Variants in AIDA observed in about 807,000 individuals in gnomAD.
AIDA encodes the protein axin interactor, dorsalization associated.
AIDA carries 18 observed loss-of-function variants against 42.7 expected under a neutral mutation model. That is an observed-to-expected ratio of 0.42 (90% CI 0.29 to 0.63). The LOEUF is 0.63. AIDA is among the 20% of genes least tolerant of loss of function. The pLI, the probability that AIDA is intolerant of heterozygous loss-of-function variation, is 0.19. For synonymous variants in AIDA, 104 were observed against 122.9 expected (o/e 0.85, Z 1.02); for missense variants, 250 against 354.1 (o/e 0.71, Z 2.36).
In AIDA at chr1:222,686,938, C is replaced by T. The variant is rs1432300826; in HGVS notation, c.452G>A (p.Arg151Lys). Reference sequence around the variant, plus strand: ...TAATAAGTGATACCTACCGGGAACTCTAGCAGGAAAAGAATCAGGAGACCC... The same window carrying T: ...TAATAAGTGATACCTACCGGGAACTTTAGCAGGAAAAGAATCAGGAGACCC... ...GAGSPDSFPARVPGTLLPRLP... is the reference protein window; with the variant it reads ...GAGSPDSFPAKVPGTLLPRLP... Residue 151 changes from arginine (R) to lysine (K), a missense_variant, in exon 6 of 10, where the codon AGA (arginine) becomes AAA (lysine). This residue lies in a region of AIDA where 199 missense variants were observed against 232.6 expected (regional missense o/e 0.86). Transcript: ENST00000340020. 1 of 1,613,408 alleles carries T rather than the reference C, an allele frequency of 6.2e-7. No homozygotes were observed. The highest frequency in any genetic ancestry group is 8.5e-7 in the Non-Finnish European group (1 of 1,179,876).
At chr1:222,688,228 C>A (rs1356733339) in intron 4 of AIDA, among the ~76,000 whole-genome samples, 1 of 152,008 alleles carries the variant, frequency 6.6e-6, no homozygotes, top group Non-Finnish European at 1.5e-5. Context: ...AAAAGATGCC[C>A]AGTTAGAGAT....
chr1:222,692,158 A>G (rs1055044076), intron 4 of AIDA, among the ~76,000 whole-genome samples: 1 of 152,186 alleles, frequency 6.6e-6, no homozygotes, highest in Non-Finnish European at 1.5e-5. Flanking sequence ...TTTTCCTTCC[A>G]CTAGTACTAC....
chr1:222,703,032 T>C (rs1655750296), intron 2 of AIDA, 116 bp downstream of exon 2: 3 of 705,152 alleles, frequency 4.3e-6, no homozygotes, highest in Non-Finnish European at 4.6e-6. Flanking sequence ...TTCTTTTTAC[T>C]TAAGTATAAC....
chr1:222,684,620 A>G (rs1171992465), intron 6 of AIDA, among the ~76,000 whole-genome samples: 1 of 152,214 alleles, frequency 6.6e-6, no homozygotes, highest in African/African-American at 2.4e-5. Flanking sequence ...AATATAGCTA[A>G]TTAAACCATA....
chr1:222,678,399 G>C (rs1664592689), intron 6 of AIDA, among the ~76,000 whole-genome samples: 1 of 152,002 alleles, frequency 6.6e-6, no homozygotes, highest in Non-Finnish European at 1.5e-5. Flanking sequence ...TTTTATGATA[G>C]ACTATTTTCT....
chr1:222,674,279 C>T (rs768114863), intron 7 of AIDA, among the ~76,000 whole-genome samples: 2 of 151,718 alleles, frequency 1.3e-5, no homozygotes, highest in Admixed American at 6.6e-5. Flanking sequence ...GGAGATTTCG[C>T]GGTGGGAAGG....
Position 222,676,125 on chromosome 1 carries a change from A to T in AIDA, c.554T>A (p.Ile185Asn). 1.2e-6 allele frequency: 2 copies of T among 1,611,770 alleles called. No individual in the cohort carries two copies. Among genetic ancestry groups the T allele is most frequent in the Non-Finnish European group, 1.7e-6 (2 of 1,179,184 alleles). The change falls in exon 7 of 10, where the codon ATC (isoleucine) becomes AAC (asparagine). Residue 185 changes from isoleucine to asparagine, a missense_variant. Around this residue, in one of 4 missense-constraint regions of AIDA, gnomAD observed 199 missense variants for 232.6 expected, o/e 0.86. Coordinates refer to ENST00000340020, the MANE Select transcript of AIDA (RefSeq NM_022831.4). Reference sequence around the variant, plus strand: ...TACACTAACTGTAATATAGGGATCGATGCACTGCCCAGCATCTTTCAAACC... The same window carrying T: ...TACACTAACTGTAATATAGGGATCGTTGCACTGCCCAGCATCTTTCAAACC... The part of the protein sequence containing the change: ...KIGLKDAGQC[I>N]DPYITVSVKD...
chr1:222,686,792 T>C lies in AIDA; in HGVS notation c.460+138A>G. The C allele has an allele frequency of 5.1e-6, 5 of 987,976 alleles. 1 individual carries two copies. In the South Asian group the frequency reaches 8.8e-5, roughly 17 times the overall value. The allele number at this position is 987,976 out of a possible 1,614,324, so 61.2% of individuals were successfully genotyped here. A position where few individuals can be genotyped will look rare whatever the true frequency, so the allele number is the denominator to read the frequency against. On this transcript the variant is annotated intron_variant, in intron 6 of 9. Transcript: ENST00000340020. Reference sequence around the variant, plus strand: ...CACACCATACTTATGAAATAGCTACTGCCAATAAAATTTGCCTAAGATTGG... The same window carrying C: ...CACACCATACTTATGAAATAGCTACCGCCAATAAAATTTGCCTAAGATTGG...
chr1:222,682,773 T>G (rs776957623), intron 6 of AIDA, among the ~76,000 whole-genome samples: 1 of 152,176 alleles, frequency 6.6e-6, no homozygotes, highest in African/African-American at 2.4e-5. Flanking sequence ...ATGCTTTGCA[T>G]TATTTTGAGA....
Position 222,677,924 on chromosome 1 carries a change from T to A in AIDA, c.461-1706A>T, listed in dbSNP as rs898846264. Among the ~76,000 whole-genome samples, 9 of 151,968 alleles carry A rather than the reference T, an allele frequency of 5.9e-5. No homozygotes were observed. In the South Asian group the frequency reaches 6.2e-4, roughly 10 times the overall value. Reference sequence around the variant, plus strand: ...GTATATGTAAGTATTTAAAAAAAAATTTTTTACACATTATTGGAGGTGTAT... The same window carrying A: ...GTATATGTAAGTATTTAAAAAAAAAATTTTTACACATTATTGGAGGTGTAT... On this transcript the variant is annotated intron_variant, in intron 6 of 9. Coordinates refer to ENST00000340020, the MANE Select transcript of AIDA (RefSeq NM_022831.4).
At chr1:222,711,089 C>CGGGG (rs1656008674) in intron 1 of AIDA, among the ~76,000 whole-genome samples, 1 of 28,154 alleles carries the variant, frequency 3.6e-5, no homozygotes, top group African/African-American at 1.5e-4. Context: ...GTGTCGGGGG[C>CGGGG]GGATGGGGGG....
chr1:222,696,257 T>C (rs994495615), intron 2 of AIDA, among the ~76,000 whole-genome samples: 1 of 152,232 alleles, frequency 6.6e-6, no homozygotes, highest in African/African-American at 2.4e-5. Flanking sequence ...AACCAGCAAA[T>C]AGTCTTTTCT....
At chr1:222,702,647 T>C (rs1293645876) in intron 2 of AIDA, among the ~76,000 whole-genome samples, 1 of 152,264 alleles carries the variant, frequency 6.6e-6, no homozygotes, top group Non-Finnish European at 1.5e-5. Flanking sequence ...ACTAATTGTT[T>C]TCAGTGGAGA....
chr1:222,686,050 C>T (rs1655169755), intron 6 of AIDA, among the ~76,000 whole-genome samples: 1 of 152,182 alleles, frequency 6.6e-6, no homozygotes, highest in Admixed American at 6.5e-5. Flanking sequence ...ATCCCAGCTA[C>T]TTGGGAGGCT....
chr1:222,672,896 T>A (rs538132699), intron 8 of AIDA, among the ~76,000 whole-genome samples: 9 of 152,332 alleles, frequency 5.9e-5, no homozygotes, highest in African/African-American at 1.9e-4. Flanking sequence ...TTTGCTTTTG[T>A]CCTTTCCTAT....
Position 222,700,983 on chromosome 1 carries a change from G to GGA in AIDA, c.180+2164_180+2165insTC, listed in dbSNP as rs35424886. Among the ~76,000 whole-genome samples, 162 of 126,606 alleles carry GGA rather than the reference G, an allele frequency of 1.3e-3. 4 individuals carry two copies. The highest frequency in any genetic ancestry group is 2.3e-3 in the Non-Finnish European group (137 of 59,708). 83.1% of individuals were successfully genotyped at this position (126,606 alleles called of 152,430 possible). ...TCTTGATTTTTTTTGGGGGGGGGGGGACAGGGTCTCACTGTGTCGCCCAGG... is the reference window on the plus strand; with the variant it reads ...TCTTGATTTTTTTTGGGGGGGGGGGGGAACAGGGTCTCACTGTGTCGCCCAGG... On this transcript the variant is annotated intron_variant, in intron 2 of 9. Transcript: ENST00000340020.
At position 222,686,990 on chromosome 1, in the gene AIDA, C is replaced by T; in HGVS notation, c.400G>A (p.Asp134Asn). ...GCTCCAGCACCACCCTCTTCTTCATCTTCTTCAAATTCCAAATTCTCTTCT... is the reference window on the plus strand; with the variant it reads ...GCTCCAGCACCACCCTCTTCTTCATTTTCTTCAAATTCCAAATTCTCTTCT... The part of the protein sequence containing the change: ...GEEENLEFEE[D>N]EEEGGAGAGS... The change falls in exon 6 of 10, where the codon GAT becomes AAT. Residue 134 changes from aspartate (D) to asparagine (N), a missense_variant. By Grantham distance (23) the Asp-to-Asn change is conservative. Transcript: ENST00000340020. 1.2e-6 allele frequency: 2 copies of T among 1,613,786 alleles called. No individual in the cohort carries two copies. Among genetic ancestry groups the T allele is most frequent in the Non-Finnish European group, 1.7e-6 (2 of 1,179,946 alleles).
At chr1:222,712,085 G>A in intron 1 of AIDA, 123 bp downstream of exon 1, 1 of 1,447,254 alleles carries the variant, frequency 6.9e-7, no homozygotes, top group East Asian at 2.5e-5. Flanking sequence ...CAGCCCCAGT[G>A]CCTGCGGAGC....
chr1:222,706,810 AC>A (rs1403727758), intron 1 of AIDA, among the ~76,000 whole-genome samples: 1 of 128,000 alleles, frequency 7.8e-6, no homozygotes, highest in African/African-American at 3.1e-5. Context: ...AGCCTAGATC[AC>A]CCCCCTGCAC....
Sources: allele counts gnomAD v4.1 joint callset (sites outside exome capture counted in the v4.1 genomes callset), GRCh38; gene constraint gnomAD v4.1.1; regional missense constraint gnomAD v4.1.1; transcripts MANE v1.5; gene names NCBI Gene and HGNC (gene_info 2026-07-23, HGNC 2026-07-21).